MAGI2: variants seen among roughly 807,000 people sequenced by gnomAD.
MAGI2 encodes membrane associated guanylate kinase, WW and PDZ domain containing 2.
Under a neutral mutation model 133.3 loss-of-function variants are expected in MAGI2, and 35 were observed. The ratio of observed to expected loss-of-function variants is 0.26; its 90% CI spans 0.20 to 0.35. MAGI2 has a LOEUF of 0.35. Among genes scored for constraint, MAGI2 ranks in the 10% least tolerant of loss-of-function variants. The probability of loss-of-function intolerance (pLI) is 1.00; values close to 1 mark genes in which losing one functional copy is unlikely to be tolerated. For synonymous variants in MAGI2, 729 were observed against 710.6 expected (o/e 1.03, Z -0.41); for missense variants, 1,636 against 1,863.4 (o/e 0.88, Z 2.25).
chr7:78,724,643 T>C (rs1404196300), intron 2 of MAGI2, among the ~76,000 whole-genome samples: 1 of 152,198 alleles, frequency 6.6e-6, no homozygotes, highest in East Asian at 1.9e-4. Flanking sequence ...CCTGCTCCTG[T>C]GTGCCTCTTT....
At chr7:78,047,059 C>A (rs1398010525) in intron 21 of MAGI2, among the ~76,000 whole-genome samples, 1 of 152,114 alleles carries the variant, frequency 6.6e-6, no homozygotes, top group East Asian at 1.9e-4. Flanking sequence ...GAGTCCAAAC[C>A]CACATCAACC....
chr7:78,194,550 A>C (rs1216527256), intron 12 of MAGI2, among the ~76,000 whole-genome samples: 2 of 152,244 alleles, frequency 1.3e-5, no homozygotes, highest in Non-Finnish European at 2.9e-5. Context: ...GATTAAAAAA[A>C]AAGCCAAACA....
intron 2 of MAGI2, among the ~76,000 whole-genome samples, chr7:78,664,372 T>G (rs969135715): frequency 6.6e-6 from 1 of 152,158 alleles, no homozygotes; most frequent in African/African-American, 2.4e-5. Context: ...AAGTGTAATG[T>G]TGGTGTAGAA....
chr7:78,156,448 T>C (rs1824394311), intron 16 of MAGI2, among the ~76,000 whole-genome samples: 1 of 152,182 alleles, frequency 6.6e-6, no homozygotes, highest in African/African-American at 2.4e-5. Flanking sequence ...AGTGAGCTGG[T>C]GGAATGAAAG....
At chr7:78,290,075 T>C (rs935353343) in intron 9 of MAGI2, among the ~76,000 whole-genome samples, 2 of 152,166 alleles carry the variant, frequency 1.3e-5, no homozygotes, top group African/African-American at 2.4e-5. Context: ...GCTAGCATCA[T>C]AATGACAGGA....
intron 2 of MAGI2, among the ~76,000 whole-genome samples, chr7:78,892,011 G>C (rs958356379): frequency 7.9e-5 from 12 of 152,194 alleles, no homozygotes; most frequent in African/African-American, 2.4e-4. Context: ...TCCTTAAGCT[G>C]ATAGGCAACT....
In MAGI2 at chr7:78,533,013, C is replaced by T. The variant is rs530353032; in HGVS notation, c.539-11368G>A. On this transcript the variant is annotated intron_variant, in intron 3 of 21. Transcript: ENST00000354212. ...CTGGAGTGCAGTGGCACAATCTCGG[C>T]TCACTGCAAGCTCTGCCTCCCGGGT... Among the ~76,000 whole-genome samples, 10 of 151,992 alleles carry T rather than the reference C, an allele frequency of 6.6e-5. No individual in the cohort carries two copies. The South Asian group carries it at 2.1e-3, about 32-fold the overall frequency.
chr7:79,037,573 C>A (rs897933085), intron 1 of MAGI2, among the ~76,000 whole-genome samples: 1 of 151,960 alleles, frequency 6.6e-6, no homozygotes, highest in East Asian at 1.9e-4. Context: ...CTTAGTTCCA[C>A]TAAGAGTAAT....
intron 9 of MAGI2, among the ~76,000 whole-genome samples, chr7:78,259,353 G>A (rs13221465): frequency 0.14 from 21,528 of 152,114 alleles, 2,061 homozygotes; most frequent in Middle Eastern, 0.25. Flanking sequence ...CTTATTAGCT[G>A]TATAACTTTC....
rs373518897 is a variant in MAGI2, at chr7:78,173,464, T to A, written c.2403+4547A>T. On this transcript the variant is annotated intron_variant, in intron 14 of 21. Coordinates refer to ENST00000354212, the MANE Select transcript of MAGI2 (RefSeq NM_012301.4). ...AATATCTACAGAATGGGGTGCTGGC[T>A]TCCCCCCAAAGCAGACAAAGCATGA... Among the ~76,000 whole-genome samples the A allele has an allele frequency of 4.1e-4, 62 of 152,312 alleles. No individual in the cohort carries two copies. The South Asian group carries it at 0.012, about 30-fold the overall frequency.
At chr7:78,383,140 C>T (rs1795079984) in intron 6 of MAGI2, among the ~76,000 whole-genome samples, 3 of 152,132 alleles carry the variant, frequency 2.0e-5, no homozygotes, top group Non-Finnish European at 4.4e-5. Context: ...AGTGGGATTG[C>T]TGAATTAAAC....
At chr7:78,814,946 G>T (rs192285337) in intron 2 of MAGI2, among the ~76,000 whole-genome samples, 1 of 152,038 alleles carries the variant, frequency 6.6e-6, no homozygotes, top group Admixed American at 6.6e-5. Flanking sequence ...CAGGCTGGTC[G>T]TGAAGTCCTG....
intron 2 of MAGI2, among the ~76,000 whole-genome samples, chr7:78,681,306 T>A (rs1815630549): frequency 6.6e-6 from 1 of 152,162 alleles, no homozygotes; most frequent in African/African-American, 2.4e-5. Context: ...TCAATACTTT[T>A]CTTTGGTATA....
At chr7:78,020,570 C>T (rs1808288994) in intron 21 of MAGI2, among the ~76,000 whole-genome samples, 1 of 136,992 alleles carries the variant, frequency 7.3e-6, no homozygotes, top group South Asian at 2.5e-4. Context: ...AGCTGATGGG[C>T]TCAAAAAAAA....
intron 2 of MAGI2, among the ~76,000 whole-genome samples, chr7:78,812,776 T>C (rs1789189504): frequency 6.6e-6 from 1 of 152,186 alleles, no homozygotes. Context: ...ATAAATCCAG[T>C]ATGAATATCA....
chr7:78,889,707 C>T (rs1796579549), intron 2 of MAGI2, among the ~76,000 whole-genome samples: 1 of 152,146 alleles, frequency 6.6e-6, no homozygotes, highest in African/African-American at 2.4e-5. Flanking sequence ...CAGGCCTGCC[C>T]TAAAAGACCT....
intron 3 of MAGI2, among the ~76,000 whole-genome samples, chr7:78,623,631 CAATT>C (rs1446813456): frequency 6.6e-6 from 1 of 151,990 alleles, no homozygotes; most frequent in African/African-American, 2.4e-5. Context: ...TGGCAAGAAG[CAATT>C]AAACATCTCA....
chr7:78,710,238 T>C (rs1819047080), intron 2 of MAGI2, among the ~76,000 whole-genome samples: 1 of 130,770 alleles, frequency 7.6e-6, no homozygotes, highest in East Asian at 2.1e-4. Context: ...AGTTAGTACC[T>C]AGTCCAAATT....
At chr7:78,065,607 T>C (rs1813729371) in intron 21 of MAGI2, 2 of 697,592 alleles carry the variant, frequency 2.9e-6, no homozygotes, top group East Asian at 2.7e-5. Context: ...AGTAGAAATA[T>C]GGGGACCCAT....
Sources: allele counts gnomAD v4.1 joint callset (sites outside exome capture counted in the v4.1 genomes callset), GRCh38; gene constraint gnomAD v4.1.1; transcripts MANE v1.5; gene names NCBI Gene and HGNC (gene_info 2026-07-23, HGNC 2026-07-21).